The following HEATR3 variants were observed in gnomAD, a reference collection of about 807,000 sequenced individuals.
HEATR3 encodes HEAT repeat containing 3.
HEATR3 carries 56 observed loss-of-function variants against 72.8 expected under a neutral mutation model. That is an observed-to-expected ratio of 0.77 (90% CI 0.62 to 0.96). The LOEUF (loss-of-function observed/expected upper bound fraction) is 0.96, where lower values mean the gene tolerates loss of function less well. HEATR3 is among the 40% of genes least tolerant of loss of function. The pLI is 0.00. For missense variants in HEATR3, 747 were observed against 831.4 expected (o/e 0.90, Z 1.25); for synonymous variants, 331 against 318.1 (o/e 1.04, Z -0.43).
chr16:50,088,813 G>A (rs2150614998), intron 11 of HEATR3, among the ~76,000 whole-genome samples: 1 of 152,210 alleles, frequency 6.6e-6, no homozygotes, highest in South Asian at 2.1e-4. Flanking sequence ...AGGTGAGCAG[G>A]ACCCCAAGTC....
chr16:50,100,453 C>T, intron 13 of HEATR3, 80 bp downstream of exon 13: 1 of 1,364,060 alleles, frequency 7.3e-7, no homozygotes, highest in Non-Finnish European at 1.0e-6. Flanking sequence ...TTTCTTAAAA[C>T]TTGTGTGGAC....
chr16:50,095,022 A>G (rs887805034), intron 12 of HEATR3, among the ~76,000 whole-genome samples: 31 of 152,194 alleles, frequency 2.0e-4, no homozygotes, highest in African/African-American at 4.8e-4. Context: ...TTTTTAATAT[A>G]TAGGCTTACT....
rs1463155724 is a variant in HEATR3, at chr16:50,079,034, G to A, written c.1041+16G>A. Reference sequence around the variant, plus strand: ...TTTACTTCCGGTAAGTCAGGTTGCTGTTCTCAAATATGGATTAATACAGCT... The same window carrying A: ...TTTACTTCCGGTAAGTCAGGTTGCTATTCTCAAATATGGATTAATACAGCT... On this transcript the variant is annotated intron_variant, in intron 7 of 14. Transcript: ENST00000299192. The A allele has an allele frequency of 1.9e-6, 3 of 1,598,738 alleles. No individual in the cohort carries two copies. The highest frequency in any genetic ancestry group is 2.6e-6 in the Non-Finnish European group (3 of 1,175,350).
chr16:50,098,164 TA>T (rs1433501936), intron 12 of HEATR3: 1 of 152,160 alleles, frequency 6.6e-6, no homozygotes, highest in Non-Finnish European at 1.5e-5. Context: ...TTCGATTTTG[TA>T]TTTCTATCTT....
chr16:50,070,116 A>G (rs2036578423), intron 3 of HEATR3, 62 bp from the exon 4 acceptor site: 3 of 770,480 alleles, frequency 3.9e-6, no homozygotes, highest in Admixed American at 2.3e-5. Context: ...CATCACCATC[A>G]TTACCCTATT....
At chr16:50,077,692 C>T (rs1390181327) in intron 6 of HEATR3, among the ~76,000 whole-genome samples, 1 of 152,074 alleles carries the variant, frequency 6.6e-6, no homozygotes, top group African/African-American at 2.4e-5. Flanking sequence ...TTTCTTTTTG[C>T]ATAGTGGCCT....
In HEATR3 at chr16:50,094,686, T is replaced by A; in HGVS notation, c.1511-19T>A. On this transcript the variant is annotated intron_variant, in intron 11 of 14. Coordinates refer to ENST00000299192, the MANE Select transcript of HEATR3 (RefSeq NM_182922.4). ...ATCTTGGAGAAATGCAAATTTTATA[T>A]TTCATTTTTGTGTTTTAGATTTTGC... The A allele has an allele frequency of 6.9e-7, 1 of 1,454,366 alleles. No homozygotes were observed. The highest frequency in any genetic ancestry group is 9.2e-7 in the Non-Finnish European group (1 of 1,082,456). 90.1% of individuals were successfully genotyped at this position (1,454,366 alleles called of 1,614,324 possible).
chr16:50,090,344 A>T (rs1409884852), intron 11 of HEATR3, among the ~76,000 whole-genome samples: 1 of 151,860 alleles, frequency 6.6e-6, no homozygotes, highest in African/African-American at 2.4e-5. Context: ...ACAGAGTGAG[A>T]CTCTTATCTC....
intron 13 of HEATR3, 47 bp downstream of exon 13, chr16:50,100,420 G>C: frequency 6.4e-7 from 1 of 1,567,620 alleles, no homozygotes; most frequent in Non-Finnish European, 8.8e-7. Flanking sequence ...ATTAGAAATG[G>C]GAGAAGAACT....
intron 7 of HEATR3, among the ~76,000 whole-genome samples, 182 bp downstream of exon 7, chr16:50,079,200 A>G (rs556961795): frequency 2.0e-5 from 3 of 152,342 alleles, no homozygotes; most frequent in East Asian, 1.9e-4. Context: ...AAAGGGGGAA[A>G]AAAATCTCTT....
At chr16:50,089,280 T>C (rs2037055773) in intron 11 of HEATR3, among the ~76,000 whole-genome samples, 1 of 152,222 alleles carries the variant, frequency 6.6e-6, no homozygotes, top group African/African-American at 2.4e-5. Context: ...TTGTGTATCC[T>C]GAGGGTCTTG....
At chr16:50,082,894 G>T (rs1195636138) in intron 7 of HEATR3, among the ~76,000 whole-genome samples, 2 of 151,902 alleles carry the variant, frequency 1.3e-5, no homozygotes, top group East Asian at 3.9e-4. Context: ...GGGTTCAAGG[G>T]ATTCTCCTGC....
chr16:50,066,863 G>A, intron 2 of HEATR3: 1 of 294,674 alleles, frequency 3.4e-6, no homozygotes, highest in Non-Finnish European at 6.2e-6. Flanking sequence ...GTCAGGAATC[G>A]TTCTAGATGC....
At chr16:50,076,344 C>T (rs905939498) in intron 6 of HEATR3, among the ~76,000 whole-genome samples, 16 of 151,814 alleles carry the variant, frequency 1.1e-4, no homozygotes, top group South Asian at 2.1e-4. Flanking sequence ...TGCGCCACCA[C>T]GCTCAGCTAA....
chr16:50,083,507 A>G (rs2036917433), intron 7 of HEATR3, among the ~76,000 whole-genome samples: 1 of 152,166 alleles, frequency 6.6e-6, no homozygotes, highest in African/African-American at 2.4e-5. Flanking sequence ...CCATTCCAAG[A>G]AAGACATCTA....
At position 50,105,679 on chromosome 16, in the gene HEATR3, G is replaced by A. The variant is rs2037471663; in HGVS notation, c.*618G>A. On this transcript the variant is annotated 3_prime_UTR_variant, in exon 15 of 15. Coordinates refer to ENST00000299192, the MANE Select transcript of HEATR3 (RefSeq NM_182922.4). ...CGATTCTCATGCCTCAGCCTCCTGAGTAGCTGGAATTACAGGCACCCACCA... is the reference window on the plus strand; with the variant it reads ...CGATTCTCATGCCTCAGCCTCCTGAATAGCTGGAATTACAGGCACCCACCA... The A allele has an allele frequency of 6.6e-6, 1 of 151,804 alleles. No individual in the cohort carries two copies. Among genetic ancestry groups the A allele is most frequent in the Non-Finnish European group, 1.5e-5 (1 of 68,110 alleles). The allele number at this position is 151,804 out of a possible 1,614,324, so 9.4% of individuals were successfully genotyped here. A position where few individuals can be genotyped will look rare whatever the true frequency, so the allele number is the denominator to read the frequency against.
At chr16:50,077,585 C>G (rs992787611) in intron 6 of HEATR3, among the ~76,000 whole-genome samples, 1 of 152,154 alleles carries the variant, frequency 6.6e-6, no homozygotes, top group African/African-American at 2.4e-5. Context: ...TTCCCATTTC[C>G]CCTTCCCCCA....
chr16:50,098,418 G>T (rs967103877), intron 12 of HEATR3: 1 of 152,134 alleles, frequency 6.6e-6, no homozygotes, highest in Non-Finnish European at 1.5e-5. Flanking sequence ...CAGTTTTGGA[G>T]GCCGAGGTGG....
chr16:50,066,369 C>G lies in HEATR3; in HGVS notation c.141C>G (p.Leu47=). The G allele has an allele frequency of 6.4e-7, 1 of 1,551,444 alleles. No individual in the cohort carries two copies. The highest frequency in any genetic ancestry group is 8.6e-7 in the Non-Finnish European group (1 of 1,159,844). Residue 47 remains leucine, a splice_region_variant and synonymous_variant, in exon 2 of 15, where the codon CTC becomes CTG. Coordinates refer to ENST00000299192, the MANE Select transcript of HEATR3 (RefSeq NM_182922.4). The part of the protein sequence containing the change: ...DGPAAELLEK[L]QHPSAEVREC... ...ACCCTTTTCGCTCTCATCCGCAGCT[C>G]CAGCACCCGAGCGCCGAGGTCCGCG...
Sources: allele counts gnomAD v4.1 joint callset (sites outside exome capture counted in the v4.1 genomes callset), GRCh38; gene constraint gnomAD v4.1.1; transcripts MANE v1.5; gene names NCBI Gene and HGNC (gene_info 2026-07-23, HGNC 2026-07-21).